Variants in NTNG2 observed in about 807,000 individuals in gnomAD.
The protein encoded by NTNG2 is netrin G2.
In NTNG2, 15 loss-of-function variants were observed where a neutral mutation model predicts 47.6. The ratio of observed to expected loss-of-function variants is 0.32; its 90% CI spans 0.21 to 0.49. NTNG2 has a LOEUF of 0.49. Among genes scored for constraint, NTNG2 ranks in the 20% least tolerant of loss-of-function variants. The pLI is 0.99. For missense variants in NTNG2, 578 were observed against 764.6 expected (o/e 0.76, Z 2.88); for synonymous variants, 307 against 324.6 (o/e 0.95, Z 0.58).
At chr9:132,190,302 A>C (rs983070188) in intron 2 of NTNG2, among the ~76,000 whole-genome samples, 3 of 149,972 alleles carry the variant, frequency 2.0e-5, no homozygotes, top group Non-Finnish European at 3.0e-5. Flanking sequence ...CATTGGGCTC[A>C]AGGAAATTGG....
intron 3 of NTNG2, among the ~76,000 whole-genome samples, chr9:132,211,014 C>T (rs141677568): frequency 1.3e-5 from 2 of 152,342 alleles, no homozygotes; most frequent in African/African-American, 2.4e-5. Flanking sequence ...CAGTCATAGA[C>T]ACATCACACT....
rs564709656 is a variant in NTNG2 at position 132,204,304 on chromosome 9, G to C, written c.857+5695G>C. 4.6e-5 allele frequency among the ~76,000 whole-genome samples: 7 copies of C among 152,232 alleles called. No individual in the cohort carries two copies. The East Asian group carries it at 1.4e-3, about 29-fold the overall frequency. ...TATGTCCCTGGGCCTCCCCCAACCT[G>C]TTTTTTCCTCAACACCCTCCCCTCT... is the stretch of plus-strand genomic sequence containing the variant. On this transcript the variant is annotated intron_variant, in intron 3 of 7. Transcript: ENST00000393229.
At chr9:132,187,242 G>A (rs901468124) in intron 2 of NTNG2, among the ~76,000 whole-genome samples, 1 of 152,248 alleles carries the variant, frequency 6.6e-6, no homozygotes, top group Non-Finnish European at 1.5e-5. Flanking sequence ...GCAGCGCTTG[G>A]AGGCTCGCTT....
At position 132,198,400 on chromosome 9, in the gene NTNG2, G is replaced by T. The variant is rs774922754; in HGVS notation, c.648G>T (p.Arg216=). 3 of 1,613,038 alleles carry T rather than the reference G, an allele frequency of 1.9e-6. No individual in the cohort carries two copies. Among genetic ancestry groups the T allele is most frequent in the Non-Finnish European group, 2.5e-6 (3 of 1,179,966 alleles). ...KKEKHVRFEV[R]DRFAIFAGPD... Reference sequence around the variant, plus strand: ...AGAAGCACGTGCGCTTCGAGGTGCGGGACCGCTTCGCCATCTTTGCCGGCC... The same window carrying T: ...AGAAGCACGTGCGCTTCGAGGTGCGTGACCGCTTCGCCATCTTTGCCGGCC... Residue 216 remains arginine, a synonymous_variant, in exon 3 of 8, where the codon CGG becomes CGT. Transcript: ENST00000393229.
At chr9:132,205,534 C>T (rs1217023837) in intron 3 of NTNG2, among the ~76,000 whole-genome samples, 2 of 152,178 alleles carry the variant, frequency 1.3e-5, no homozygotes, top group East Asian at 1.9e-4. Flanking sequence ...GGGATGGTAA[C>T]GGTGCTTGCA....
At chr9:132,222,465 T>C (rs1390612085) in intron 3 of NTNG2, among the ~76,000 whole-genome samples, 1 of 152,196 alleles carries the variant, frequency 6.6e-6, no homozygotes, top group Non-Finnish European at 1.5e-5. Context: ...TTCAGCTTGG[T>C]GTTCCAGTAA....
In NTNG2 at chr9:132,215,736, G is replaced by C. The variant is rs945797171; in HGVS notation, c.858-11113G>C. Among the ~76,000 whole-genome samples, 22 of 152,280 alleles carry C rather than the reference G, an allele frequency of 1.4e-4. No homozygotes were observed. Among genetic ancestry groups the C allele is most frequent in the South Asian group, 4.1e-4 (2 of 4,830 alleles). On this transcript the variant is annotated intron_variant, in intron 3 of 7. Transcript: ENST00000393229. The surrounding 1 kb of genome is among the most constrained non-coding windows in gnomAD (Gnocchi z 4.2). ...AGCTGCAGGCTCTGAGAGAGGCTCT[G>C]GGGTGGGTGTTGGACGGGACAGCAT...
chr9:132,206,085 G>A (rs1197096102), intron 3 of NTNG2, among the ~76,000 whole-genome samples: 2 of 152,126 alleles, frequency 1.3e-5, no homozygotes, highest in Admixed American at 1.3e-4. Context: ...TGGAGTTTAA[G>A]TGAGACCATC....
intron 2 of NTNG2, among the ~76,000 whole-genome samples, chr9:132,167,695 G>A (rs1036330056): frequency 3.3e-5 from 5 of 152,272 alleles, no homozygotes; most frequent in East Asian, 3.9e-4. Context: ...ACATTCAGGC[G>A]TTGTCCCTTG....
At chr9:132,229,400 G>A (rs187051098) in intron 4 of NTNG2, among the ~76,000 whole-genome samples, 79 of 152,110 alleles carry the variant, frequency 5.2e-4, no homozygotes, top group African/African-American at 1.8e-3. Context: ...CCCTCCATCC[G>A]CTCCAAGTCT....
At chr9:132,230,438 G>T in intron 4 of NTNG2, 134 bp from the exon 5 acceptor site, 2 of 744,356 alleles carry the variant, frequency 2.7e-6, no homozygotes, top group South Asian at 1.5e-5. Flanking sequence ...GCTAGCAGTT[G>T]TGTGGTGGAG....
intron 3 of NTNG2, among the ~76,000 whole-genome samples, chr9:132,225,293 C>T (rs1425361312): frequency 7.0e-6 from 1 of 141,992 alleles, no homozygotes; most frequent in East Asian, 2.1e-4. Context: ...TTTTTGGAGA[C>T]AGAGTCTTGC....
intron 5 of NTNG2, among the ~76,000 whole-genome samples, chr9:132,238,581 A>G (rs1478612317): frequency 1.3e-5 from 2 of 152,192 alleles, no homozygotes; most frequent in Non-Finnish European, 2.9e-5. Flanking sequence ...TTTTCCTCCC[A>G]GCCATCTTCC....
chr9:132,241,591 C>T (rs1444999231), intron 7 of NTNG2: 1 of 435,400 alleles, frequency 2.3e-6, no homozygotes, highest in African/African-American at 2.1e-5. Context: ...GCGCGTGGAA[C>T]AGCACGTGCA....
intron 3 of NTNG2, among the ~76,000 whole-genome samples, chr9:132,205,917 G>A (rs766668246): frequency 3.3e-5 from 5 of 152,054 alleles, no homozygotes; most frequent in African/African-American, 4.8e-5. Flanking sequence ...AAATATATAC[G>A]TATATTTTAG....
intron 2 of NTNG2, among the ~76,000 whole-genome samples, chr9:132,183,816 C>T (rs1237998850): frequency 6.6e-6 from 1 of 152,140 alleles, no homozygotes; most frequent in African/African-American, 2.4e-5. Flanking sequence ...TCTGAGTCAC[C>T]TGCTGAGGGT....
intron 3 of NTNG2, among the ~76,000 whole-genome samples, chr9:132,213,040 C>T (rs987840222): frequency 5.3e-5 from 8 of 152,080 alleles, no homozygotes; most frequent in Admixed American, 2.6e-4. Context: ...GACTTGAGGC[C>T]GGGCACAATG....
intron 2 of NTNG2, 72 bp downstream of exon 2, chr9:132,167,116 G>A (rs1004873872): frequency 2.0e-6 from 3 of 1,519,896 alleles, no homozygotes; most frequent in Non-Finnish European, 2.7e-6. Flanking sequence ...CCTTGGGGTG[G>A]ACGAGCAGAG....
intron 3 of NTNG2, among the ~76,000 whole-genome samples, chr9:132,220,364 AT>A (rs965930451): frequency 1.4e-4 from 21 of 147,042 alleles, no homozygotes; most frequent in Non-Finnish European, 2.1e-4. Flanking sequence ...TAATTTATCT[AT>A]TTTTTTTTCT....
Sources: gnomAD v4.1 joint callset for allele counts (sites outside exome capture counted in the v4.1 genomes callset) on GRCh38, gnomAD v4.1.1 for gene constraint, Gnocchi (gnomAD v3.1) non-coding constraint, MANE v1.5 for transcripts, NCBI Gene and HGNC (gene_info 2026-07-23, HGNC 2026-07-21) for gene names.